Variants in MRPS28 observed in about 807,000 individuals in gnomAD.
The protein encoded by MRPS28 is mitochondrial ribosomal protein S28.
Under a neutral mutation model 10.8 loss-of-function variants are expected in MRPS28, and 7 were observed. The ratio of observed to expected loss-of-function variants is 0.65; its 90% CI spans 0.37 to 1.22. MRPS28 has a LOEUF of 1.22. Ranked by LOEUF, MRPS28 falls within the 50% of genes most tolerant of loss-of-function variation. The probability of loss-of-function intolerance (pLI) is 0.02; values close to 1 mark genes in which losing one functional copy is unlikely to be tolerated. For missense variants in MRPS28, 265 were observed against 232.9 expected (o/e 1.14, Z -0.90); for synonymous variants, 121 against 93.3 (o/e 1.30, Z -1.71).
intron 1 of MRPS28, among the ~76,000 whole-genome samples, chr8:80,029,418 T>C (rs1809585754): frequency 6.6e-6 from 1 of 152,144 alleles, no homozygotes; most frequent in South Asian, 2.1e-4. Flanking sequence ...TTTTATTTCT[T>C]CCATTTCATT....
At chr8:80,017,720 A>C (rs1349076967) in intron 1 of MRPS28, among the ~76,000 whole-genome samples, 1 of 152,224 alleles carries the variant, frequency 6.6e-6, no homozygotes, top group African/African-American at 2.4e-5. Context: ...AGAAGATAGG[A>C]GTGGAACTTA....
At chr8:79,934,738 A>G (rs543965920) in intron 2 of MRPS28, among the ~76,000 whole-genome samples, 1 of 152,354 alleles carries the variant, frequency 6.6e-6, no homozygotes, top group South Asian at 2.1e-4. Context: ...GACTGCTCAA[A>G]TGTAAAGCAT....
At chr8:79,939,470 C>T (rs560919525) in intron 2 of MRPS28, among the ~76,000 whole-genome samples, 13 of 152,216 alleles carry the variant, frequency 8.5e-5, no homozygotes, top group South Asian at 2.1e-4. Flanking sequence ...AAAAAAAAAT[C>T]GGCCTGGTCT....
At chr8:80,001,866 A>C (rs1360067877) in intron 2 of MRPS28, among the ~76,000 whole-genome samples, 1 of 152,198 alleles carries the variant, frequency 6.6e-6, no homozygotes, top group Non-Finnish European at 1.5e-5. Flanking sequence ...CACTGTGCAC[A>C]CATCTTCCCA....
intron 2 of MRPS28, among the ~76,000 whole-genome samples, chr8:79,978,014 A>G (rs994982847): frequency 6.6e-6 from 1 of 152,140 alleles, no homozygotes; most frequent in Non-Finnish European, 1.5e-5. Flanking sequence ...AAAAATAAAT[A>G]TGAAAATAGA....
intron 2 of MRPS28, among the ~76,000 whole-genome samples, chr8:79,920,161 G>A (rs1174101999): frequency 6.6e-6 from 1 of 152,096 alleles, no homozygotes; most frequent in South Asian, 2.1e-4. Flanking sequence ...TGGTGTATAT[G>A]TGCCACATTT....
chr8:79,974,075 C>T (rs1433800512), intron 2 of MRPS28, among the ~76,000 whole-genome samples: 2 of 152,048 alleles, frequency 1.3e-5, no homozygotes, highest in African/African-American at 4.8e-5. Context: ...ACATTTTCAG[C>T]ACCAGCAAAT....
At chr8:79,981,303 C>T (rs933490330) in intron 2 of MRPS28, among the ~76,000 whole-genome samples, 3 of 152,098 alleles carry the variant, frequency 2.0e-5, no homozygotes, top group Non-Finnish European at 2.9e-5. Flanking sequence ...CCAGCCTGGG[C>T]AACACAGCGA....
At chr8:79,955,556 A>AAAG (rs1807184062) in intron 2 of MRPS28, among the ~76,000 whole-genome samples, 1 of 152,116 alleles carries the variant, frequency 6.6e-6, no homozygotes, top group Non-Finnish European at 1.5e-5. Context: ...AATACCCTTT[A>AAAG]GGCCTCCGCT....
chr8:79,981,777 C>A (rs985600462), intron 2 of MRPS28, among the ~76,000 whole-genome samples: 5 of 152,184 alleles, frequency 3.3e-5, no homozygotes, highest in African/African-American at 1.2e-4. Flanking sequence ...AAGGAAATCA[C>A]ATCAAGGAAG....
intron 2 of MRPS28, among the ~76,000 whole-genome samples, chr8:79,952,798 T>C (rs1024352524): frequency 6.6e-6 from 1 of 152,146 alleles, no homozygotes; most frequent in African/African-American, 2.4e-5. Context: ...TCTCAGATAA[T>C]AATAATGAGA....
intron 1 of MRPS28, among the ~76,000 whole-genome samples, chr8:80,025,834 C>A (rs1332135893): frequency 6.6e-6 from 1 of 152,082 alleles, no homozygotes; most frequent in African/African-American, 2.4e-5. Flanking sequence ...GGATTTAAAC[C>A]AAGATTGCAT....
At chr8:79,959,712 G>C (rs1807324855) in intron 2 of MRPS28, among the ~76,000 whole-genome samples, 1 of 151,918 alleles carries the variant, frequency 6.6e-6, no homozygotes, top group Admixed American at 6.6e-5. Flanking sequence ...CATCCAAATA[G>C]CAAATCTATT....
At chr8:79,934,776 A>G (rs998224089) in intron 2 of MRPS28, among the ~76,000 whole-genome samples, 2 of 152,252 alleles carry the variant, frequency 1.3e-5, no homozygotes, top group Non-Finnish European at 2.9e-5. Context: ...AGTTTGTAAC[A>G]AAACTTTATC....
chr8:79,974,541 A>AAAAAC lies in MRPS28; in HGVS notation c.395+28453_395+28457dup, dbSNP rs530383852. On this transcript the variant is annotated intron_variant, in intron 2 of 2. Coordinates refer to ENST00000276585, the MANE Select transcript of MRPS28 (RefSeq NM_014018.3). Reference sequence around the variant, plus strand: ...GGGCGACAGAGCGAGACTCTGTCTCAAAAACAAAACAAAACAAAACAAAAT... The same window carrying AAAAAC: ...GGGCGACAGAGCGAGACTCTGTCTCAAAAACAAAACAAAACAAAACAAAACAAAAT... Among the ~76,000 whole-genome samples, 17 of 151,978 alleles carry AAAAAC rather than the reference A, an allele frequency of 1.1e-4. No individual in the cohort carries two copies. The South Asian group carries it at 2.5e-3, about 22-fold the overall frequency.
At chr8:79,959,946 AACGTCTCAAC>A (rs1182216298) in intron 2 of MRPS28, among the ~76,000 whole-genome samples, 1 of 152,148 alleles carries the variant, frequency 6.6e-6, no homozygotes, top group African/African-American at 2.4e-5. Flanking sequence ...CATTGATTTA[AACGTCTCAAC>A]ACTGCCAAAT....
chr8:80,011,881 C>T (rs17458102), intron 1 of MRPS28, among the ~76,000 whole-genome samples: 14,149 of 152,206 alleles, frequency 0.093, 881 homozygotes, highest in Middle Eastern at 0.2. Flanking sequence ...AGGACCTGTT[C>T]CTAAAATAAC....
At chr8:80,002,958 T>C in intron 2 of MRPS28, 41 bp downstream of exon 2, 2 of 1,445,150 alleles carry the variant, frequency 1.4e-6, no homozygotes, top group Non-Finnish European at 1.8e-6. Context: ...ATCCCAACTT[T>C]TATGAATACT....
chr8:80,026,147 G>A (rs190144553), intron 1 of MRPS28, among the ~76,000 whole-genome samples: 6 of 152,208 alleles, frequency 3.9e-5, no homozygotes, highest in East Asian at 3.9e-4. Flanking sequence ...CACAATTGGC[G>A]TTTATTCATC....
Sources: gnomAD v4.1 joint callset for allele counts (sites outside exome capture counted in the v4.1 genomes callset) on GRCh38, gnomAD v4.1.1 for gene constraint, MANE v1.5 for transcripts, NCBI Gene and HGNC (gene_info 2026-07-23, HGNC 2026-07-21) for gene names.